Variants in KIF26B observed in about 807,000 individuals in gnomAD.
KIF26B encodes kinesin family member 26B.
In KIF26B, 63 loss-of-function variants were observed where a neutral mutation model predicts 151.2. That is an observed-to-expected ratio of 0.42 (90% CI 0.34 to 0.51). KIF26B has a LOEUF of 0.51. Among genes scored for constraint, KIF26B ranks in the 20% least tolerant of loss-of-function variants. The probability of loss-of-function intolerance (pLI) is 0.07; values close to 1 mark genes in which losing one functional copy is unlikely to be tolerated. For missense variants in KIF26B, 2,813 were observed against 2,913.6 expected (o/e 0.97, Z 0.79); for synonymous variants, 1,357 against 1,262.1 (o/e 1.08, Z -1.59).
At chr1:245,490,728 T>G (rs374651356) in intron 4 of KIF26B, among the ~76,000 whole-genome samples, 54 of 152,344 alleles carry the variant, frequency 3.5e-4, no homozygotes, top group African/African-American at 1.3e-3. Context: ...GTGCCTGTTT[T>G]CCATTCATTC....
At chr1:245,644,700 G>C (rs2043928325) in intron 9 of KIF26B, among the ~76,000 whole-genome samples, 1 of 152,188 alleles carries the variant, frequency 6.6e-6, no homozygotes, top group African/African-American at 2.4e-5. Flanking sequence ...TTCCAGGCTG[G>C]CTGTTAGGAA....
chr1:245,625,312 CAAAG>C (rs1238725381), intron 9 of KIF26B, among the ~76,000 whole-genome samples: 3 of 149,920 alleles, frequency 2.0e-5, no homozygotes, highest in Non-Finnish European at 4.4e-5. Flanking sequence ...AAATTTCTAT[CAAAG>C]AAGTCTACCA....
At position 245,540,006 on chromosome 1, in the gene KIF26B, T is replaced by G. The variant is rs1013789215; in HGVS notation, c.1167-761T>G. Among the ~76,000 whole-genome samples, 1 of 152,186 alleles carries G rather than the reference T, an allele frequency of 6.6e-6. No individual in the cohort carries two copies. Among genetic ancestry groups the G allele is most frequent in the Non-Finnish European group, 1.5e-5 (1 of 68,032 alleles). On this transcript the variant is annotated intron_variant, in intron 4 of 14. Coordinates refer to ENST00000407071, the MANE Select transcript of KIF26B (RefSeq NM_018012.4). The surrounding 1 kb of genome is among the most constrained non-coding windows in gnomAD (Gnocchi z 4.6). ...ACACTTGAATGATGGACGATGTCATTGGAACAGCCTATGTTATTAATGATG... is the reference window on the plus strand; with the variant it reads ...ACACTTGAATGATGGACGATGTCATGGGAACAGCCTATGTTATTAATGATG...
rs758974475 is a variant in KIF26B, at chr1:245,516,581, T to C, written c.1167-24186T>C. Among the ~76,000 whole-genome samples the C allele has an allele frequency of 2.0e-5, 3 of 152,042 alleles. No individual in the cohort carries two copies. The highest frequency in any genetic ancestry group is 4.4e-5 in the Non-Finnish European group (3 of 68,010). Reference sequence around the variant, plus strand: ...GTGCAGACTCATTTTTCACTTTCCTTTGACCCTGGGTGTCTCCACAAATGA... The same window carrying C: ...GTGCAGACTCATTTTTCACTTTCCTCTGACCCTGGGTGTCTCCACAAATGA... On this transcript the variant is annotated intron_variant, in intron 4 of 14. Coordinates refer to ENST00000407071, the MANE Select transcript of KIF26B (RefSeq NM_018012.4). This position sits in a 1 kb window ranked among gnomAD's most constrained non-coding sequence, Gnocchi z 4.2.
chr1:245,285,949 T>C (rs1461188590), intron 2 of KIF26B, among the ~76,000 whole-genome samples: 1 of 142,486 alleles, frequency 7.0e-6, no homozygotes, highest in Non-Finnish European at 1.5e-5. Context: ...CAGTGAGCTA[T>C]ATGGCACCAC....
At chr1:245,391,965 A>C (rs575926948) in intron 3 of KIF26B, among the ~76,000 whole-genome samples, 82 of 152,084 alleles carry the variant, frequency 5.4e-4, no homozygotes, top group Non-Finnish European at 8.7e-4. Context: ...TGATTCTTAT[A>C]ACTCCTATGC....
intron 12 of KIF26B, among the ~76,000 whole-genome samples, chr1:245,690,065 AC>A (rs1266870268): frequency 1.3e-5 from 2 of 152,156 alleles, no homozygotes; most frequent in African/African-American, 2.4e-5. Context: ...AGAGAAAAAG[AC>A]AGACAGAGGC....
intron 5 of KIF26B, among the ~76,000 whole-genome samples, chr1:245,591,773 G>T (rs1229210023): frequency 3.3e-5 from 5 of 152,138 alleles, no homozygotes; most frequent in African/African-American, 1.2e-4. Flanking sequence ...CTTCTAACTA[G>T]GCCACCGTCA....
intron 2 of KIF26B, among the ~76,000 whole-genome samples, chr1:245,250,911 T>G (rs1670431822): frequency 6.6e-6 from 1 of 152,182 alleles, no homozygotes; most frequent in African/African-American, 2.4e-5. Flanking sequence ...CCTATAGTCC[T>G]ACTCACAGCA....
chr1:245,334,030 G>A (rs1201680477), intron 2 of KIF26B, among the ~76,000 whole-genome samples: 2 of 152,070 alleles, frequency 1.3e-5, no homozygotes, highest in Admixed American at 6.5e-5. Context: ...ACGAGTGGAT[G>A]TCGGGTGAGG....
At chr1:245,252,603 T>C (rs1360857564) in intron 2 of KIF26B, among the ~76,000 whole-genome samples, 1 of 152,164 alleles carries the variant, frequency 6.6e-6, no homozygotes, top group East Asian at 1.9e-4. Context: ...GAATATTCCA[T>C]GTAGATTATC....
At position 245,155,487 on chromosome 1, in the gene KIF26B, G is replaced by C. The variant is rs749393962; in HGVS notation, c.63G>C (p.Gly21=). ...LAVSTRGKKY[G]VNEVCSPTKP... ...TCTCCACCAGGGGCAAGAAATACGGGGTAAGTTGTGACGGTACGACGCGGA... is the reference window on the plus strand; with the variant it reads ...TCTCCACCAGGGGCAAGAAATACGGCGTAAGTTGTGACGGTACGACGCGGA... The change falls in exon 1 of 15, where the codon GGG becomes GGC. Residue 21 remains glycine, a splice_region_variant and synonymous_variant. Transcript: ENST00000407071. 6.2e-7 allele frequency: 1 copy of C among 1,610,152 alleles called. No individual in the cohort carries two copies. The highest frequency in any genetic ancestry group is 8.5e-7 in the Non-Finnish European group (1 of 1,177,648).
intron 3 of KIF26B, among the ~76,000 whole-genome samples, chr1:245,414,160 C>T (rs971277645): frequency 6.6e-6 from 1 of 152,204 alleles, no homozygotes; most frequent in Non-Finnish European, 1.5e-5. Flanking sequence ...GTTAGCGTAG[C>T]CAAGGCTTCC....
At chr1:245,607,854 C>G in intron 7 of KIF26B, 110 bp downstream of exon 7, 1 of 831,264 alleles carries the variant, frequency 1.2e-6, no homozygotes, top group East Asian at 2.7e-5. Context: ...CTGCGTTTCT[C>G]TTAGGTGTTG....
chr1:245,480,026 G>A (rs767487726), intron 4 of KIF26B, among the ~76,000 whole-genome samples: 7 of 151,854 alleles, frequency 4.6e-5, no homozygotes, highest in Admixed American at 2.0e-4. Flanking sequence ...CACTTTGGGA[G>A]GCTGAGGCAG....
rs2147977455 is a variant in KIF26B, at chr1:245,708,805, C to CCA, written c.*6200_*6201dup. 6.6e-6 allele frequency: 1 copy of CCA among 152,258 alleles called. No homozygotes were observed. The highest frequency in any genetic ancestry group is 2.4e-5 in the African/African-American group (1 of 41,540). 9.4% of individuals were successfully genotyped at this position (152,258 alleles called of 1,614,324 possible). A position where few individuals can be genotyped will look rare whatever the true frequency, so the allele number is the denominator to read the frequency against. On this transcript the variant is annotated 3_prime_UTR_variant, in exon 15 of 15. Coordinates refer to ENST00000407071, the MANE Select transcript of KIF26B (RefSeq NM_018012.4). The stretch of plus-strand genomic sequence containing the variant: ...TCCTTCAAGCTCTGGATCTCTAATT[C>CCA]CATGATTAGTAATGTATGTATGTGT...
At chr1:245,461,715 C>T (rs766272687) in intron 4 of KIF26B, among the ~76,000 whole-genome samples, 3 of 152,122 alleles carry the variant, frequency 2.0e-5, no homozygotes, top group Non-Finnish European at 2.9e-5. Context: ...CTGTGGTCTC[C>T]GAAGTGTTGG....
At chr1:245,429,572 C>G (rs1658730082) in intron 4 of KIF26B, among the ~76,000 whole-genome samples, 1 of 152,178 alleles carries the variant, frequency 6.6e-6, no homozygotes, top group Admixed American at 6.5e-5. Flanking sequence ...AGGTAGGTCA[C>G]TGCTCACCTC....
At chr1:245,701,858 G>A (rs994542083) in intron 14 of KIF26B, among the ~76,000 whole-genome samples, 5 of 152,160 alleles carry the variant, frequency 3.3e-5, no homozygotes, top group Non-Finnish European at 5.9e-5. Flanking sequence ...CTGGACCTGG[G>A]CCAGGCAGCC....
Sources: allele counts gnomAD v4.1 joint callset (sites outside exome capture counted in the v4.1 genomes callset), GRCh38; gene constraint gnomAD v4.1.1; non-coding constraint Gnocchi (gnomAD v3.1); transcripts MANE v1.5; gene names NCBI Gene and HGNC (gene_info 2026-07-23, HGNC 2026-07-21).